Variants in TMEM61 observed in about 807,000 individuals in gnomAD.
TMEM61 encodes the protein transmembrane protein 61.
A neutral mutation model predicts 12.0 loss-of-function variants in TMEM61; 13 were observed. The observed-to-expected ratio is 1.08, with a 90% CI of 0.70 to 1.72. The LOEUF (loss-of-function observed/expected upper bound fraction) is 1.72. Ranked by LOEUF, TMEM61 falls within the 40% of genes most tolerant of loss-of-function variation. The pLI, the probability that TMEM61 is intolerant of heterozygous loss-of-function variation, is 0.00. For synonymous variants in TMEM61, 109 were observed against 121.4 expected (o/e 0.90, Z 0.67); for missense variants, 249 against 276.9 (o/e 0.90, Z 0.71).
chr1:54,982,040 C>T lies in TMEM61; in HGVS notation c.15+960C>T, dbSNP rs146718803. Among the ~76,000 whole-genome samples, 170 of 152,312 alleles carry T rather than the reference C, an allele frequency of 1.1e-3. 1 individual carries two copies. The highest frequency in any genetic ancestry group is 3.8e-3 in the African/African-American group (157 of 41,570). ...CCAGTGTCAGAGCAGGGTGCATCCT[C>T]GGTCCAGCCTTGTGTCCCTGTGCCT... On this transcript the variant is annotated intron_variant, in intron 1 of 2. Transcript: ENST00000371268.
chr1:54,986,284 C>G lies in TMEM61; in HGVS notation c.203C>G (p.Ser68Cys). ...VPEGPSPLLR[S>C]VSFVCCGAGG... is the part of the protein sequence containing the mutation. ...GAGGGCCCCAGCCCCCTGCTCAGGT[C>G]CGTCAGCTTCGTCTGCTGCGGTGCA... Residue 68 changes from serine (S) to cysteine (C), a missense_variant, in exon 2 of 3, where the codon TCC (serine) becomes TGC (cysteine). Transcript: ENST00000371268. The G allele has an allele frequency of 6.2e-7, 1 of 1,614,008 alleles. No individual in the cohort carries two copies. The highest frequency in any genetic ancestry group is 8.5e-7 in the Non-Finnish European group (1 of 1,180,030).
chr1:54,983,112 T>TTTTTTG (rs1207888207), intron 1 of TMEM61, among the ~76,000 whole-genome samples: 3 of 128,036 alleles, frequency 2.3e-5, no homozygotes, highest in Admixed American at 8.1e-5. Flanking sequence ...TTGCTTTGTT[T>TTTTTTG]TTTTTTTTTG....
Position 54,986,132 on chromosome 1 carries a change from CT to C in TMEM61, c.52del (p.Tyr18IlefsTer3). 1.2e-6 allele frequency: 2 copies of C among 1,604,854 alleles called. No homozygotes were observed. The highest frequency in any genetic ancestry group is 1.7e-6 in the Non-Finnish European group (2 of 1,173,362). ...GGAGCCACTTGGCCTCCACCCTCCG[CT>C]ATTGCATGACAGTCAGCGGCACAGT... ...DGSHLASTLRYCMTVSGTVVL... is the reference protein window; with the variant it reads ...DGSHLASTLRXCMTVSGTVVL... On this transcript the variant is annotated frameshift_variant, in exon 2 of 3. Coordinates refer to ENST00000371268, the MANE Select transcript of TMEM61 (RefSeq NM_182532.3). LOFTEE classifies it high-confidence loss of function.
chr1:54,982,031 G>A (rs77055261), intron 1 of TMEM61, among the ~76,000 whole-genome samples: 1 of 152,184 alleles, frequency 6.6e-6, no homozygotes, highest in East Asian at 1.9e-4. Flanking sequence ...TCAGAGCAGG[G>A]TGCATCCTCG....
intron 1 of TMEM61, among the ~76,000 whole-genome samples, chr1:54,983,109 G>GTTTTTTT (rs780127208): frequency 0.038 from 4,159 of 109,116 alleles, 881 homozygotes; most frequent in South Asian, 0.049. Flanking sequence ...GTTTTGCTTT[G>GTTTTTTT]TTTTTTTTTT....
At position 54,980,714 on chromosome 1, in the gene TMEM61, C is replaced by T; in HGVS notation, c.-352C>T. 4.1e-6 allele frequency: 1 copy of T among 245,744 alleles called. No individual in the cohort carries two copies. The highest frequency in any genetic ancestry group is 7.8e-6 in the Non-Finnish European group (1 of 128,730). The allele number at this position is 245,744 out of a possible 1,614,324, so 15.2% of individuals were successfully genotyped here. A position where few individuals can be genotyped will look rare whatever the true frequency, so the allele number is the denominator to read the frequency against. ...GGAGTGGAGGGCGAGGCCCGGGTCC[C>T]GCGCTCCCCTGGGCGCCCCACGGCA... On this transcript the variant is annotated 5_prime_UTR_variant, in exon 1 of 3. Transcript: ENST00000371268.
At chr1:54,982,914 A>C (rs1219484245) in intron 1 of TMEM61, among the ~76,000 whole-genome samples, 1 of 152,058 alleles carries the variant, frequency 6.6e-6, no homozygotes, top group African/African-American at 2.4e-5. Flanking sequence ...TGTGGGGATT[A>C]AGTGAGGGGA....
rs780127208 is a variant in TMEM61, at chr1:54,983,109, G to GTTTTTTTTTTTTTTTT, written c.15+2041_15+2042insTTTTTTTTTTTTTTTT. On this transcript the variant is annotated intron_variant, in intron 1 of 2. Transcript: ENST00000371268. The stretch of plus-strand genomic sequence containing the variant: ...TTAGTGGTGATTTGTGTTTTGCTTT[G>GTTTTTTTTTTTTTTTT]TTTTTTTTTTTTGTTTTTTTTTGAG... Among the ~76,000 whole-genome samples the GTTTTTTTTTTTTTTTT allele has an allele frequency of 4.5e-4, 49 of 109,534 alleles. 8 individuals are homozygous for GTTTTTTTTTTTTTTTT. The highest frequency in any genetic ancestry group is 6.4e-4 in the Non-Finnish European group (35 of 54,408). The allele number at this position is 109,534 out of a possible 152,430, so 71.9% of individuals were successfully genotyped here. A position where few individuals can be genotyped will look rare whatever the true frequency, so the allele number is the denominator to read the frequency against.
intron 1 of TMEM61, among the ~76,000 whole-genome samples, chr1:54,985,483 C>T (rs551976605): frequency 3.3e-5 from 5 of 152,276 alleles, no homozygotes; most frequent in African/African-American, 4.8e-5. Flanking sequence ...GTGATCTGCC[C>T]GCCTTGGCCT....
In TMEM61 at chr1:54,986,046, A is replaced by G. The variant is rs377392217; in HGVS notation, c.16-51A>G. On this transcript the variant is annotated intron_variant, in intron 1 of 2. Transcript: ENST00000371268. ...GCAAAGGAATTAACACCTGGCCTCC[A>G]GCACCTTTCATATGGCCCATTTCCT... The G allele has an allele frequency of 5.4e-5, 81 of 1,502,718 alleles. No individual in the cohort carries two copies. The African/African-American group carries it at 9.3e-4, about 17-fold the overall frequency. The allele number at this position is 1,502,718 out of a possible 1,614,324, so 93.1% of individuals were successfully genotyped here. A position where few individuals can be genotyped will look rare whatever the true frequency, so the allele number is the denominator to read the frequency against.
At chr1:54,982,832 C>T (rs1644231985) in intron 1 of TMEM61, among the ~76,000 whole-genome samples, 1 of 152,180 alleles carries the variant, frequency 6.6e-6, no homozygotes. Context: ...CAAATTGTCA[C>T]CCTATTATGG....
intron 1 of TMEM61, among the ~76,000 whole-genome samples, chr1:54,981,742 C>T (rs1343016829): frequency 6.6e-6 from 1 of 152,120 alleles, no homozygotes; most frequent in South Asian, 2.1e-4. Context: ...CCTCCGGACT[C>T]TCCTGACAGG....
chr1:54,988,137 G>C (rs1422843461), intron 2 of TMEM61, among the ~76,000 whole-genome samples: 1 of 152,232 alleles, frequency 6.6e-6, no homozygotes, highest in African/African-American at 2.4e-5. Flanking sequence ...GAGAGACCTG[G>C]GTCTCAGAAA....
At position 54,991,498 on chromosome 1, in the gene TMEM61, T is replaced by G. The variant is rs564188856; in HGVS notation, c.366-338T>G. The stretch of plus-strand genomic sequence containing the variant: ...ACCACCATCACTCAATCTTTCAACA[T>G]GAAACACCCATAAGCAGCTACCCTC... On this transcript the variant is annotated intron_variant, in intron 2 of 2. Coordinates refer to ENST00000371268, the MANE Select transcript of TMEM61 (RefSeq NM_182532.3). Among the ~76,000 whole-genome samples the G allele has an allele frequency of 5.3e-5, 8 of 152,250 alleles. No individual in the cohort carries two copies. In the East Asian group the frequency reaches 1.4e-3, roughly 26 times the overall value.
Position 54,991,953 on chromosome 1 carries a change from GA to G in TMEM61, c.484del (p.Arg162GlyfsTer53), listed in dbSNP as rs780092520. The G allele has an allele frequency of 2.0e-5, 32 of 1,614,166 alleles. 2 individuals are homozygous for G. In the East Asian group the frequency reaches 3.3e-4, roughly 17 times the overall value. On this transcript the variant is annotated frameshift_variant, in exon 3 of 3. Transcript: ENST00000371268. LOFTEE classifies it low-confidence loss of function (END_TRUNC). The stretch of plus-strand genomic sequence containing the variant: ...AGGAAGCCCTGGAGCCAAGTGGATC[GA>G]GGGATGCCCTGCTCAGCACCCAGCC... ...TEEALEPSGS[R>X]DALLSTQPAW...
In TMEM61 at chr1:54,980,784, C is replaced by T. The variant is rs947725479; in HGVS notation, c.-282C>T. ...AGCGCGCAGCCCTCGGGGCGGGCGC[C>T]GGGGTGAGGCCTGGCTCGGTCCCTG... On this transcript the variant is annotated 5_prime_UTR_variant, in exon 1 of 3. Transcript: ENST00000371268. 5 of 351,496 alleles carry T rather than the reference C, an allele frequency of 1.4e-5. No individual in the cohort carries two copies. Among genetic ancestry groups the T allele is most frequent in the African/African-American group, 6.4e-5 (3 of 47,092 alleles). The allele number at this position is 351,496 out of a possible 1,614,324, so 21.8% of individuals were successfully genotyped here. A position where few individuals can be genotyped will look rare whatever the true frequency, so the allele number is the denominator to read the frequency against.
In TMEM61 at chr1:54,986,246, G is replaced by A. The variant is rs1644258326; in HGVS notation, c.165G>A (p.Glu55=). The A allele has an allele frequency of 6.2e-7, 1 of 1,613,696 alleles. No individual in the cohort carries two copies. ...CTGGCCAGCTGGCCCCACCCACGGAGTATCCGGTGCCTGAGGGCCCCAGCC... is the reference window on the plus strand; with the variant it reads ...CTGGCCAGCTGGCCCCACCCACGGAATATCCGGTGCCTGAGGGCCCCAGCC... The part of the protein sequence containing the change: ...AQPGQLAPPT[E]YPVPEGPSPL... Residue 55 remains glutamate, a synonymous_variant, in exon 2 of 3, where the codon GAG becomes GAA. Transcript: ENST00000371268.
intron 1 of TMEM61, among the ~76,000 whole-genome samples, chr1:54,984,820 G>A (rs1209368668): frequency 6.6e-6 from 1 of 152,174 alleles, no homozygotes; most frequent in Admixed American, 6.5e-5. Flanking sequence ...AGCCTTGAGG[G>A]GAGCTAATGG....
At chr1:54,987,281 G>A (rs889103304) in intron 2 of TMEM61, among the ~76,000 whole-genome samples, 4 of 152,208 alleles carry the variant, frequency 2.6e-5, no homozygotes, top group African/African-American at 9.7e-5. Flanking sequence ...TAGTGGACAT[G>A]GTGGAAAAGA....
Sources: gnomAD v4.1 joint callset for allele counts (sites outside exome capture counted in the v4.1 genomes callset) on GRCh38, gnomAD v4.1.1 for gene constraint, MANE v1.5 for transcripts, NCBI Gene and HGNC (gene_info 2026-07-23, HGNC 2026-07-21) for gene names.